DDAH1: variants seen among roughly 807,000 people sequenced by gnomAD.
DDAH1 encodes N(G),N(G)-dimethylarginine dimethylaminohydrolase 1.
A neutral mutation model predicts 28.8 loss-of-function variants in DDAH1; 19 were observed. That is an observed-to-expected ratio of 0.66 (90% confidence interval 0.46 to 0.97). The LOEUF is 0.97. DDAH1 is among the 50% of genes least tolerant of loss of function. DDAH1 has a pLI of 0.00. For missense variants in DDAH1, 326 were observed against 375.9 expected (o/e 0.87, Z 1.10); for synonymous variants, 153 against 154.4 (o/e 0.99, Z 0.07).
chr1:85,506,247 C>A (rs1657012503), intron 1 of DDAH1, among the ~76,000 whole-genome samples: 3 of 152,100 alleles, frequency 2.0e-5, no homozygotes, highest in Non-Finnish European at 4.4e-5. Context: ...GAAAAGGATG[C>A]AGAAAGTCTT....
intron 1 of DDAH1, among the ~76,000 whole-genome samples, chr1:85,427,247 GTT>G (rs1653443037): frequency 8.0e-6 from 1 of 124,980 alleles, no homozygotes; most frequent in Non-Finnish European, 1.6e-5. Context: ...CTCTGTTTTT[GTT>G]TTTGTTTTTT....
chr1:85,428,668 C>T (rs1384232213), intron 1 of DDAH1, among the ~76,000 whole-genome samples: 1 of 152,140 alleles, frequency 6.6e-6, no homozygotes, highest in Non-Finnish European at 1.5e-5. Context: ...TCCTCATCAA[C>T]TTCCTGCAGC....
At chr1:85,353,245 G>A (rs1649318444) in intron 2 of DDAH1, among the ~76,000 whole-genome samples, 1 of 152,002 alleles carries the variant, frequency 6.6e-6, no homozygotes, top group Admixed American at 6.6e-5. Context: ...ACATAAATGT[G>A]GGAACTCTCA....
intron 4 of DDAH1, among the ~76,000 whole-genome samples, chr1:85,342,387 A>AGTGT (rs58992773): frequency 0.15 from 21,716 of 147,882 alleles, 1,820 homozygotes; most frequent in Middle Eastern, 0.21. Flanking sequence ...TTTTTCTATG[A>AGTGT]GTGTGTGTGT....
At chr1:85,440,020 G>T (rs1215825936) in intron 1 of DDAH1, among the ~76,000 whole-genome samples, 1 of 152,084 alleles carries the variant, frequency 6.6e-6, no homozygotes, top group African/African-American at 2.4e-5. Flanking sequence ...AATTCTACTT[G>T]GAAACCTGGA....
intron 1 of DDAH1, among the ~76,000 whole-genome samples, chr1:85,514,884 T>G (rs1281970052): frequency 2.6e-5 from 4 of 151,976 alleles, no homozygotes; most frequent in African/African-American, 9.7e-5. Context: ...CTATTTCTCC[T>G]GTAAACAGGA....
intron 4 of DDAH1, among the ~76,000 whole-genome samples, chr1:85,335,087 C>G (rs1648023459): frequency 6.6e-6 from 1 of 152,060 alleles, no homozygotes; most frequent in Non-Finnish European, 1.5e-5. Flanking sequence ...CATGAAAACA[C>G]ACAAAAGTAT....
At chr1:85,499,473 GAC>G (rs1482663578) in intron 1 of DDAH1, among the ~76,000 whole-genome samples, 1 of 152,154 alleles carries the variant, frequency 6.6e-6, no homozygotes, top group East Asian at 1.9e-4. Flanking sequence ...AGGAGTTCGA[GAC>G]CAGCCTGGCC....
intron 4 of DDAH1, among the ~76,000 whole-genome samples, chr1:85,328,427 G>A (rs747938393): frequency 2.6e-5 from 4 of 152,200 alleles, no homozygotes; most frequent in Non-Finnish European, 5.9e-5. Flanking sequence ...TGGCAGTTAG[G>A]ATTTGTGAAA....
At chr1:85,333,761 C>G (rs1457868294) in intron 4 of DDAH1, among the ~76,000 whole-genome samples, 1 of 150,990 alleles carries the variant, frequency 6.6e-6, no homozygotes, top group African/African-American at 2.4e-5. Context: ...GAAAAAAAAA[C>G]AAGAAAGAAG....
chr1:85,384,105 C>T (rs1243424318), intron 1 of DDAH1, among the ~76,000 whole-genome samples: 3 of 152,328 alleles, frequency 2.0e-5, no homozygotes, highest in Middle Eastern at 3.4e-3. Context: ...TTCTGAGGCT[C>T]TACTCAAAGC....
chr1:85,576,874 G>C (rs1331423880), intron 1 of DDAH1: 1 of 152,846 alleles, frequency 6.5e-6, no homozygotes, highest in Non-Finnish European at 1.5e-5. Flanking sequence ...CCCGCGCGGA[G>C]GGAGGCCTGG....
chr1:85,461,590 G>C (rs1007185606), intron 1 of DDAH1, among the ~76,000 whole-genome samples: 1 of 152,140 alleles, frequency 6.6e-6, no homozygotes, highest in Non-Finnish European at 1.5e-5. Flanking sequence ...TTACTGATTG[G>C]GAATGCTTGT....
intron 3 of DDAH1, among the ~76,000 whole-genome samples, chr1:85,351,003 C>T (rs1338404759): frequency 6.6e-6 from 1 of 152,006 alleles, no homozygotes; most frequent in African/African-American, 2.4e-5. Flanking sequence ...ACAGGTGACC[C>T]CTGATTCCAA....
chr1:85,486,277 AGAG>A (rs1163052309), intron 2 of DDAH1, among the ~76,000 whole-genome samples: 1 of 152,340 alleles, frequency 6.6e-6, no homozygotes, highest in Non-Finnish European at 1.5e-5. Context: ...GCTGTTAAAC[AGAG>A]GAGATCTTCA....
chr1:85,339,358 G>A (rs1386223309), intron 4 of DDAH1, among the ~76,000 whole-genome samples: 1 of 152,176 alleles, frequency 6.6e-6, no homozygotes, highest in Admixed American at 6.5e-5. Context: ...AATGGCTGTT[G>A]TAATCTATCT....
intron 1 of DDAH1, among the ~76,000 whole-genome samples, chr1:85,359,588 A>G (rs980829877): frequency 9.9e-5 from 15 of 152,258 alleles, no homozygotes; most frequent in African/African-American, 3.4e-4. Flanking sequence ...CTCAACCCAT[A>G]GGACAATCAC....
chr1:85,532,097 T>C (rs1380442169), intron 1 of DDAH1, among the ~76,000 whole-genome samples: 1 of 150,856 alleles, frequency 6.6e-6, no homozygotes, highest in Non-Finnish European at 1.5e-5. Flanking sequence ...TCCAGGCACC[T>C]CCAGCTCCCA....
At chr1:85,437,578 A>G (rs1653997853) in intron 1 of DDAH1, among the ~76,000 whole-genome samples, 1 of 152,198 alleles carries the variant, frequency 6.6e-6, no homozygotes, top group South Asian at 2.1e-4. Flanking sequence ...CTTTATTATA[A>G]GATTAAAATA....
Sources: allele counts gnomAD v4.1 joint callset (sites outside exome capture counted in the v4.1 genomes callset), GRCh38; gene constraint gnomAD v4.1.1; transcripts MANE v1.5; gene names NCBI Gene and HGNC (gene_info 2026-07-23, HGNC 2026-07-21).